Variants in ABCC11 observed in about 807,000 individuals in gnomAD.
ABCC11 encodes ATP binding cassette subfamily C member 11.
Under a neutral mutation model 149.3 loss-of-function variants are expected in ABCC11, and 135 were observed. The ratio of observed to expected loss-of-function variants is 0.90; its 90% CI spans 0.79 to 1.04. The LOEUF (loss-of-function observed/expected upper bound fraction) is 1.04, where lower values mean the gene tolerates loss of function less well. Ranked by LOEUF, ABCC11 falls within the 50% of genes least tolerant of loss-of-function variation. The pLI is 0.00. For missense variants in ABCC11, 1,680 were observed against 1,722.1 expected (o/e 0.98, Z 0.43); for synonymous variants, 665 against 671.4 (o/e 0.99, Z 0.15).
At chr16:48,186,334 C>T (rs192913146) in intron 22 of ABCC11, among the ~76,000 whole-genome samples, 14 of 152,362 alleles carry the variant, frequency 9.2e-5, no homozygotes, top group Admixed American at 5.9e-4. Context: ...ATCTGCCCCT[C>T]TCTTATGCTA....
chr16:48,196,388 T>C (rs1039266153), intron 17 of ABCC11, 67 bp from the exon 18 acceptor site: 1 of 1,481,568 alleles, frequency 6.7e-7, no homozygotes, highest in African/African-American at 1.4e-5. Flanking sequence ...TCCTTCTGTC[T>C]CTGGCTTCGA....
intron 6 of ABCC11, among the ~76,000 whole-genome samples, chr16:48,218,102 G>A (rs1034756278): frequency 6.6e-6 from 1 of 152,122 alleles, no homozygotes; most frequent in Non-Finnish European, 1.5e-5. Flanking sequence ...TTCAAGACCA[G>A]CCTGGGCAAC....
chr16:48,192,399 G>C (rs1163766653), intron 20 of ABCC11, 121 bp downstream of exon 20: 16 of 1,092,800 alleles, frequency 1.5e-5, no homozygotes, highest in South Asian at 1.0e-4. Context: ...AGTGGAGATT[G>C]TGCCACTGCA....
rs16945974 is a variant in ABCC11, at chr16:48,222,691, T to C, written c.684A>G (p.Gln228=). ...CTGCTCGGAACCTGATGGCTGTGCGTTGGTTGATGATCCAACTGGAGGAGA... is the reference window on the plus strand; with the variant it reads ...CTGCTCGGAACCTGATGGCTGTGCGCTGGTTGATGATCCAACTGGAGGAGA... ...LSFSSSWIIN[Q]RTAIRFRAAV... The change falls in exon 6 of 30, where the codon CAA becomes CAG. Residue 228 remains glutamine, a synonymous_variant. Coordinates refer to ENST00000356608, the MANE Select transcript of ABCC11 (RefSeq NM_001370497.1). 156,998 of 1,614,006 alleles carry C rather than the reference T, an allele frequency of 0.097. 9,475 individuals carry two copies. Among genetic ancestry groups the C allele is most frequent in the African/African-American group, 0.29 (21,702 of 74,960 alleles).
chr16:48,207,132 G>A (rs182415492), intron 12 of ABCC11, among the ~76,000 whole-genome samples: 318 of 152,246 alleles, frequency 2.1e-3, no homozygotes, highest in Admixed American at 5.1e-3. Flanking sequence ...GCCGAAGAAA[G>A]GAAGGAAAAC....
intron 1 of ABCC11, among the ~76,000 whole-genome samples, chr16:48,243,628 T>A (rs1018029413): frequency 6.6e-6 from 1 of 152,162 alleles, no homozygotes; most frequent in Non-Finnish European, 1.5e-5. Flanking sequence ...TGAACTATGA[T>A]TATGTAAGAT....
chr16:48,238,612 A>C (rs1336483385), intron 1 of ABCC11, among the ~76,000 whole-genome samples: 5 of 151,412 alleles, frequency 3.3e-5, no homozygotes, highest in Admixed American at 2.0e-4. Context: ...GCAAAAAAAA[A>C]CAAAAAAAAG....
chr16:48,201,956 G>A (rs1208368868), intron 14 of ABCC11, among the ~76,000 whole-genome samples: 1 of 152,212 alleles, frequency 6.6e-6, no homozygotes, highest in Non-Finnish European at 1.5e-5. Flanking sequence ...AAGAATCAGA[G>A]TTGAAATGGT....
At chr16:48,207,946 TC>T (rs778819021) in intron 12 of ABCC11, among the ~76,000 whole-genome samples, 1 of 151,448 alleles carries the variant, frequency 6.6e-6, no homozygotes, top group Admixed American at 6.6e-5. Context: ...TCCCTGTTTC[TC>T]CCCCCACATT....
chr16:48,193,837 C>CG (rs139789251), intron 19 of ABCC11, 42 bp downstream of exon 19: 99,939 of 1,538,494 alleles, frequency 0.065, 3,612 homozygotes, highest in African/African-American at 0.082. Context: ...CCACCTCACT[C>CG]AAGCCCATAG....
intron 11 of ABCC11, chr16:48,209,889 A>C (rs1349668079): frequency 6.6e-6 from 1 of 152,256 alleles, no homozygotes; most frequent in East Asian, 1.9e-4. Flanking sequence ...TGTCTGCTGT[A>C]TGGTAGAAGG....
rs567931559 is a variant in ABCC11 at position 48,177,208 on chromosome 16, C to T, written c.3349-95G>A. The T allele has an allele frequency of 3.0e-4, 382 of 1,272,874 alleles. 2 individuals are homozygous for T. The South Asian group carries it at 5.4e-3, about 18-fold the overall frequency. The allele number at this position is 1,272,874 out of a possible 1,614,324, so 78.8% of individuals were successfully genotyped here. On this transcript the variant is annotated intron_variant, in intron 24 of 29. Coordinates refer to ENST00000356608, the MANE Select transcript of ABCC11 (RefSeq NM_001370497.1). Reference sequence around the variant, plus strand: ...CAGCCTCCCGCTGTAGGGGGTGTGACCCACCCCAGCCTGCCTTGCGCCAAG... The same window carrying T: ...CAGCCTCCCGCTGTAGGGGGTGTGATCCACCCCAGCCTGCCTTGCGCCAAG...
Position 48,215,297 on chromosome 16 carries a change from C to G in ABCC11, c.999G>C (p.Glu333Asp). 1 of 1,614,144 alleles carries G rather than the reference C, an allele frequency of 6.2e-7. No individual in the cohort carries two copies. The highest frequency in any genetic ancestry group is 8.5e-7 in the Non-Finnish European group (1 of 1,179,992). ...TCACACGGATGCGCTGGTCGCTGAC[C>G]TCAGATGTGTGATGCTGAGCCTTCA... ...MAVKAQHHTS[E>D]VSDQRIRVTS... Residue 333 changes from glutamate (E) to aspartate (D), a missense_variant, in exon 8 of 30, where the codon GAG becomes GAC. Glu to Asp is a conservative substitution (Grantham distance 45). Transcript: ENST00000356608.
intron 2 of ABCC11, among the ~76,000 whole-genome samples, chr16:48,231,161 C>A (rs1465618566): frequency 6.6e-6 from 1 of 151,838 alleles, no homozygotes; most frequent in Non-Finnish European, 1.5e-5. Context: ...AAGGTCCAAG[C>A]TGATGTATTG....
rs189770375 is a variant in ABCC11 at position 48,228,661 on chromosome 16, G to C, written c.237-697C>G. On this transcript the variant is annotated intron_variant, in intron 3 of 29. Transcript: ENST00000356608. Reference sequence around the variant, plus strand: ...AAAAAGGAAGAAAGGAGAGAAAGCAGACAAAACAGTATGTACATTTATATC... The same window carrying C: ...AAAAAGGAAGAAAGGAGAGAAAGCACACAAAACAGTATGTACATTTATATC... Among the ~76,000 whole-genome samples, 279 of 152,200 alleles carry C rather than the reference G, an allele frequency of 1.8e-3. 1 individual carries two copies. The highest frequency in any genetic ancestry group is 2.9e-3 in the Non-Finnish European group (194 of 68,006).
At chr16:48,189,319 T>C (rs1966851393) in intron 20 of ABCC11, among the ~76,000 whole-genome samples, 1 of 152,194 alleles carries the variant, frequency 6.6e-6, no homozygotes, top group Non-Finnish European at 1.5e-5. Context: ...AAGCCCAGCA[T>C]TACTTTGGAT....
intron 10 of ABCC11, 152 bp from the exon 11 acceptor site, chr16:48,211,351 G>T: frequency 1.0e-6 from 1 of 959,284 alleles, no homozygotes; most frequent in Non-Finnish European, 1.5e-6. Flanking sequence ...AGTTAGGAAA[G>T]GCCAGTTTCT....
At chr16:48,241,531 T>C (rs1325719694) in intron 1 of ABCC11, among the ~76,000 whole-genome samples, 4 of 152,156 alleles carry the variant, frequency 2.6e-5, no homozygotes, top group Admixed American at 2.0e-4. Flanking sequence ...CTTCACAGAA[T>C]TGGAAAAAAC....
In ABCC11 at chr16:48,234,237, C is replaced by T. The variant is rs1970573428; in HGVS notation, c.-18-2298G>A. ...ACGGCATCATCATATACTGTTTCTA[C>T]CATAGAGATATAATAGATGTAAGTA... On this transcript the variant is annotated intron_variant, in intron 1 of 29. Transcript: ENST00000356608. Among the ~76,000 whole-genome samples the T allele has an allele frequency of 5.3e-5, 8 of 152,042 alleles. No homozygotes were observed. In the South Asian group the frequency reaches 1.5e-3, roughly 28 times the overall value.
Sources: allele counts gnomAD v4.1 joint callset (sites outside exome capture counted in the v4.1 genomes callset), GRCh38; gene constraint gnomAD v4.1.1; transcripts MANE v1.5; gene names NCBI Gene and HGNC (gene_info 2026-07-23, HGNC 2026-07-21).